The following RAPGEF4 variants were observed in gnomAD, a reference collection of about 807,000 sequenced individuals.
RAPGEF4 encodes the protein Rap guanine nucleotide exchange factor 4.
RAPGEF4 carries 66 observed loss-of-function variants against 147.9 expected under a neutral mutation model. That is an observed-to-expected ratio of 0.45 (90% confidence interval 0.37 to 0.55). The LOEUF (loss-of-function observed/expected upper bound fraction) is 0.55, where lower values mean the gene tolerates loss of function less well. Ranked by LOEUF, RAPGEF4 falls within the 20% of genes least tolerant of loss-of-function variation. RAPGEF4 has a pLI of 0.00. For missense variants in RAPGEF4, 1,071 were observed against 1,257.3 expected, an observed-to-expected ratio of 0.85 and a Z score of 2.24; for synonymous variants, 419 against 442.7, an observed-to-expected ratio of 0.95 and a Z score of 0.67.
chr2:172,800,374 C>A (rs1686847166), intron 3 of RAPGEF4, among the ~76,000 whole-genome samples: 1 of 152,182 alleles, frequency 6.6e-6, no homozygotes, highest in African/African-American at 2.4e-5. Flanking sequence ...ACCAAGATGG[C>A]AGAGCCCCCT....
chr2:172,789,760 T>C (rs1170673014), intron 1 of RAPGEF4, among the ~76,000 whole-genome samples: 1 of 152,228 alleles, frequency 6.6e-6, no homozygotes, highest in Non-Finnish European at 1.5e-5. Context: ...GTCTTCAAGG[T>C]TCATGCATGT....
chr2:173,027,819 A>AG (rs1696811271), intron 25 of RAPGEF4, among the ~76,000 whole-genome samples: 1 of 152,224 alleles, frequency 6.6e-6, no homozygotes, highest in African/African-American at 2.4e-5. Flanking sequence ...TTTTTACTAC[A>AG]GGGGCCAGTT....
chr2:172,817,876 AT>A, intron 4 of RAPGEF4, among the ~76,000 whole-genome samples: 1 of 478 alleles, frequency 2.1e-3, no homozygotes, highest in Non-Finnish European at 7.7e-3. Context: ...AGAAATTGTG[AT>A]ATATATATAT....
At chr2:172,974,156 C>T (rs1262246670) in intron 10 of RAPGEF4, among the ~76,000 whole-genome samples, 1 of 152,164 alleles carries the variant, frequency 6.6e-6, no homozygotes, top group East Asian at 1.9e-4. Context: ...AGTTATTTAA[C>T]ATTACTCCCA....
At chr2:172,952,944 GA>G (rs1348865435) in intron 6 of RAPGEF4, among the ~76,000 whole-genome samples, 3 of 152,164 alleles carry the variant, frequency 2.0e-5, no homozygotes, top group African/African-American at 7.2e-5. Context: ...ATGTTGCGGA[GA>G]AACTTGAACC....
chr2:172,778,885 T>G (rs1450115958), intron 1 of RAPGEF4, among the ~76,000 whole-genome samples: 1 of 152,174 alleles, frequency 6.6e-6, no homozygotes, highest in Non-Finnish European at 1.5e-5. Context: ...ACTACCAATA[T>G]TCATTAAAAA....
At chr2:172,755,600 T>A (rs1356411604) in intron 1 of RAPGEF4, among the ~76,000 whole-genome samples, 1 of 152,166 alleles carries the variant, frequency 6.6e-6, no homozygotes, top group East Asian at 1.9e-4. Flanking sequence ...TTCACCGTGT[T>A]GGCCAGGTTT....
chr2:172,849,266 A>G (rs963892139), intron 4 of RAPGEF4, among the ~76,000 whole-genome samples: 8 of 152,224 alleles, frequency 5.3e-5, no homozygotes, highest in Non-Finnish European at 7.4e-5. Context: ...ACAGAACATA[A>G]TAGAACACAT....
intron 17 of RAPGEF4, among the ~76,000 whole-genome samples, chr2:173,012,649 T>C (rs1481851857): frequency 2.0e-5 from 3 of 152,220 alleles, no homozygotes; most frequent in Non-Finnish European, 2.9e-5. Flanking sequence ...TGGAAATGAT[T>C]TCTTCTCACC....
At chr2:172,854,860 C>T (rs1042487943) in intron 4 of RAPGEF4, among the ~76,000 whole-genome samples, 1 of 152,080 alleles carries the variant, frequency 6.6e-6, no homozygotes, top group Non-Finnish European at 1.5e-5. Context: ...GAGAAAGAGC[C>T]TCAGACTGCA....
intron 26 of RAPGEF4, among the ~76,000 whole-genome samples, chr2:173,031,204 G>T (rs889012688): frequency 6.6e-6 from 1 of 152,156 alleles, no homozygotes; most frequent in East Asian, 1.9e-4. Flanking sequence ...TGTAGGGCAG[G>T]TCCTCACAAG....
chr2:172,842,680 G>T (rs950507116), intron 4 of RAPGEF4, among the ~76,000 whole-genome samples: 2 of 152,232 alleles, frequency 1.3e-5, no homozygotes, highest in Non-Finnish European at 2.9e-5. Flanking sequence ...CATGACAAGA[G>T]CCAGTGTCCC....
intron 4 of RAPGEF4, among the ~76,000 whole-genome samples, chr2:172,914,776 C>A (rs1473405637): frequency 6.6e-6 from 1 of 152,126 alleles, no homozygotes; most frequent in African/African-American, 2.4e-5. Context: ...TCATTCTCAC[C>A]AATAGTGTAT....
intron 8 of RAPGEF4, among the ~76,000 whole-genome samples, chr2:172,962,233 G>A (rs1306639096): frequency 6.6e-6 from 1 of 152,124 alleles, no homozygotes; most frequent in Non-Finnish European, 1.5e-5. Context: ...CCCTCTTTCA[G>A]CAATCAGTGA....
chr2:172,910,171 C>T lies in RAPGEF4; in HGVS notation c.445-7631C>T, dbSNP rs1178154412. The stretch of plus-strand genomic sequence containing the variant: ...CTCCCAAAATTGTACCATTGGCTCT[C>T]ATCTATTTTAGGCCACATAGACATG... On this transcript the variant is annotated intron_variant, in intron 4 of 30. Transcript: ENST00000397081. 7.2e-5 allele frequency among the ~76,000 whole-genome samples: 11 copies of T among 152,330 alleles called. No individual in the cohort carries two copies. In the East Asian group the frequency reaches 1.7e-3, roughly 24 times the overall value.
At chr2:172,835,081 C>G (rs559474601) in intron 4 of RAPGEF4, among the ~76,000 whole-genome samples, 56 of 152,226 alleles carry the variant, frequency 3.7e-4, no homozygotes, top group Non-Finnish European at 6.3e-4. Flanking sequence ...TCACTGAGAT[C>G]AAACTGCTCT....
intron 14 of RAPGEF4, 78 bp downstream of exon 14, chr2:172,988,917 CTTAA>C: frequency 6.8e-7 from 1 of 1,475,078 alleles, no homozygotes; most frequent in Non-Finnish European, 9.3e-7. Context: ...TGAGCATAGT[CTTAA>C]TTGAGTAGTC....
chr2:172,996,391 AC>A, intron 15 of RAPGEF4, 74 bp from the exon 16 acceptor site: 7 of 819,074 alleles, frequency 8.5e-6, no homozygotes, highest in Middle Eastern at 3.6e-4. Context: ...AAAAAAAAAA[AC>A]TTAGATAAGT....
intron 4 of RAPGEF4, among the ~76,000 whole-genome samples, chr2:172,869,485 A>G (rs1401734211): frequency 6.6e-6 from 1 of 152,180 alleles, no homozygotes; most frequent in Non-Finnish European, 1.5e-5. Context: ...AGTTAATGGT[A>G]AATTTTGTGT....
Sources: allele counts gnomAD v4.1 joint callset (sites outside exome capture counted in the v4.1 genomes callset), GRCh38; gene constraint gnomAD v4.1.1; transcripts MANE v1.5; gene names NCBI Gene and HGNC (gene_info 2026-07-23, HGNC 2026-07-21).